CTNND2: variants seen among roughly 807,000 people sequenced by gnomAD.
CTNND2 encodes catenin delta-2.
Under a neutral mutation model 144.4 loss-of-function variants are expected in CTNND2, and 22 were observed. The ratio of observed to expected loss-of-function variants is 0.15; its 90% CI spans 0.11 to 0.22. CTNND2 has a LOEUF of 0.22. Ranked by LOEUF, CTNND2 falls within the 10% of genes least tolerant of loss-of-function variation. The pLI, the probability that CTNND2 is intolerant of heterozygous loss-of-function variation, is 1.00. For missense variants in CTNND2, 1,353 were observed against 1,618.8 expected, an observed-to-expected ratio of 0.84 and a Z score of 2.82; for synonymous variants, 751 against 695.6, an observed-to-expected ratio of 1.08 and a Z score of -1.25.
intron 16 of CTNND2, among the ~76,000 whole-genome samples, chr5:11,034,463 A>G (rs535451133): frequency 6.6e-6 from 1 of 152,296 alleles, no homozygotes; most frequent in Admixed American, 6.5e-5. Context: ...CTTTTTGAAA[A>G]AACACTGTCC....
At chr5:11,627,202 A>G (rs186471574) in intron 2 of CTNND2, among the ~76,000 whole-genome samples, 1 of 152,338 alleles carries the variant, frequency 6.6e-6, no homozygotes, top group Admixed American at 6.5e-5. Context: ...TTGGCCAAAC[A>G]TCTGAGAGGG....
At position 11,098,457 on chromosome 5, in the gene CTNND2, T is replaced by C. The variant is rs2973509; in HGVS notation, c.2637+118A>G. 0.32 allele frequency: 294,025 copies of C among 905,566 alleles called. 49,213 individuals carry two copies. The highest frequency in any genetic ancestry group is 0.34 in the Non-Finnish European group (210,792 of 620,598). 56.1% of individuals were successfully genotyped at this position (905,566 alleles called of 1,614,324 possible). On this transcript the variant is annotated intron_variant, in intron 15 of 21. Transcript: ENST00000304623. ...AAAACAGTTCAATATAATTTTTTTTTCTCTAACATCCTAGAAATCTTTATT... is the reference window on the plus strand; with the variant it reads ...AAAACAGTTCAATATAATTTTTTTTCCTCTAACATCCTAGAAATCTTTATT...
At chr5:11,348,867 G>GA (rs1252556578) in intron 8 of CTNND2, among the ~76,000 whole-genome samples, 1 of 152,146 alleles carries the variant, frequency 6.6e-6, no homozygotes, top group Non-Finnish European at 1.5e-5. Context: ...AATTAATTAA[G>GA]CAGAAACAGG....
At chr5:11,724,719 T>C (rs753357552) in intron 2 of CTNND2, among the ~76,000 whole-genome samples, 4 of 152,318 alleles carry the variant, frequency 2.6e-5, no homozygotes, top group Non-Finnish European at 5.9e-5. Context: ...TGTGGAATTG[T>C]TTGTGATTTC....
At chr5:11,638,919 C>T (rs538114883) in intron 2 of CTNND2, among the ~76,000 whole-genome samples, 31 of 152,262 alleles carry the variant, frequency 2.0e-4, no homozygotes, top group African/African-American at 6.5e-4. Flanking sequence ...TTTCTTTATA[C>T]GCAAAAAGAT....
At chr5:11,435,873 T>C (rs2149882830) in intron 3 of CTNND2, among the ~76,000 whole-genome samples, 1 of 152,338 alleles carries the variant, frequency 6.6e-6, no homozygotes, top group South Asian at 2.1e-4. Context: ...CAGCTCTTGC[T>C]TTCAAATTCA....
At chr5:11,272,156 A>T (rs910663304) in intron 9 of CTNND2, among the ~76,000 whole-genome samples, 1 of 152,140 alleles carries the variant, frequency 6.6e-6, no homozygotes, top group Non-Finnish European at 1.5e-5. Context: ...TTTACACCAA[A>T]ATTTGTGGAT....
intron 1 of CTNND2, among the ~76,000 whole-genome samples, chr5:11,755,697 A>G (rs1265289377): frequency 2.1e-5 from 3 of 141,970 alleles, no homozygotes; most frequent in East Asian, 4.1e-4. Flanking sequence ...GAGCTCTGAG[A>G]TTCTTTCCTC....
At chr5:11,643,270 A>G (rs936812011) in intron 2 of CTNND2, among the ~76,000 whole-genome samples, 4 of 151,740 alleles carry the variant, frequency 2.6e-5, no homozygotes, top group Admixed American at 2.6e-4. Context: ...GTTTTAGGGT[A>G]CATGTACATA....
rs189916978 is a variant in CTNND2, at chr5:11,512,311, C to T, written c.287+52633G>A. Among the ~76,000 whole-genome samples the T allele has an allele frequency of 2.3e-3, 347 of 152,326 alleles. 2 individuals carry two copies. Among genetic ancestry groups the T allele is most frequent in the African/African-American group, 7.8e-3 (324 of 41,562 alleles). ...CCTATAAATTGTGCGGTTAGTCCTG[C>T]TTCTCTATAATCCGTCTCTACACAT... On this transcript the variant is annotated intron_variant, in intron 3 of 21. Transcript: ENST00000304623.
intron 16 of CTNND2, among the ~76,000 whole-genome samples, chr5:11,056,021 G>GA (rs1177012369): frequency 2.6e-5 from 4 of 152,206 alleles, no homozygotes; most frequent in African/African-American, 9.6e-5. Flanking sequence ...ACTGACCCAT[G>GA]AGTACTGAAT....
rs529533864 is a variant in CTNND2 at position 11,760,478 on chromosome 5, G to T, written c.38-28206C>A. 2.0e-5 allele frequency among the ~76,000 whole-genome samples: 3 copies of T among 152,262 alleles called. No homozygotes were observed. The East Asian group carries it at 5.8e-4, about 29-fold the overall frequency. ...ATGAGACATAACTGCATCAAGAATA[G>T]TTTTTGTTATTTTATGAATACTTGT... On this transcript the variant is annotated intron_variant, in intron 1 of 21. Coordinates refer to ENST00000304623, the MANE Select transcript of CTNND2 (RefSeq NM_001332.4).
At chr5:11,686,522 T>G (rs974466645) in intron 2 of CTNND2, among the ~76,000 whole-genome samples, 10 of 151,928 alleles carry the variant, frequency 6.6e-5, no homozygotes, top group Admixed American at 6.6e-4. Flanking sequence ...TTTTTTATAT[T>G]TGCCACATTC....
intron 16 of CTNND2, among the ~76,000 whole-genome samples, chr5:11,063,444 T>G (rs138327968): frequency 8.5e-4 from 130 of 152,314 alleles, no homozygotes; most frequent in African/African-American, 3.1e-3. Flanking sequence ...AGTTTTAATT[T>G]AAAGCCTAAT....
At chr5:11,758,950 T>A (rs913933479) in intron 1 of CTNND2, among the ~76,000 whole-genome samples, 4 of 152,032 alleles carry the variant, frequency 2.6e-5, no homozygotes, top group South Asian at 2.1e-4. Context: ...AAATGTCAAA[T>A]ATTTTAATAT....
chr5:11,745,567 C>A (rs1418641339), intron 1 of CTNND2, among the ~76,000 whole-genome samples: 2 of 152,190 alleles, frequency 1.3e-5, no homozygotes, highest in Non-Finnish European at 2.9e-5. Flanking sequence ...CAGTTGATGT[C>A]CATACTATAC....
intron 16 of CTNND2, among the ~76,000 whole-genome samples, chr5:11,044,911 G>A (rs1745074285): frequency 6.6e-6 from 1 of 152,224 alleles, no homozygotes; most frequent in Non-Finnish European, 1.5e-5. Flanking sequence ...CCACCACTGG[G>A]GACCCTGAGG....
chr5:11,430,414 GACTTGATTA>G (rs1249688641), intron 3 of CTNND2, among the ~76,000 whole-genome samples: 109 of 132,012 alleles, frequency 8.3e-4, no homozygotes, highest in African/African-American at 3.5e-3. Flanking sequence ...AGGTGAGGAT[GACTTGATTA>G]AAAAAAAAAA....
chr5:11,371,491 A>C (rs961185138), intron 7 of CTNND2, among the ~76,000 whole-genome samples: 5 of 152,216 alleles, frequency 3.3e-5, no homozygotes, highest in Non-Finnish European at 7.3e-5. Context: ...CTTCAGGAGT[A>C]TCCATGAGGA....
Sources: gnomAD v4.1 joint callset for allele counts (sites outside exome capture counted in the v4.1 genomes callset) on GRCh38, gnomAD v4.1.1 for gene constraint, MANE v1.5 for transcripts, NCBI Gene and HGNC (gene_info 2026-07-23, HGNC 2026-07-21) for gene names.